Variants in C1orf94 observed in about 807,000 individuals in gnomAD.
C1orf94 encodes uncharacterized protein C1orf94.
In C1orf94, 45 loss-of-function variants were observed where a neutral mutation model predicts 53.6. The ratio of observed to expected loss-of-function variants is 0.84; its 90% CI spans 0.66 to 1.08. The LOEUF is 1.08. Ranked by LOEUF, C1orf94 falls within the 50% of genes least tolerant of loss-of-function variation. C1orf94 has a pLI of 0.00. For synonymous variants in C1orf94, 304 were observed against 296.1 expected (o/e 1.03, Z -0.27); for missense variants, 762 against 738.9 (o/e 1.03, Z -0.36).
chr1:34,216,451 G>A (rs1642990075), intron 6 of C1orf94, among the ~76,000 whole-genome samples: 1 of 152,174 alleles, frequency 6.6e-6, no homozygotes, highest in African/African-American at 2.4e-5. Flanking sequence ...AGTGAAGAAA[G>A]TGTTTCCTGA....
chr1:34,173,431 C>T (rs935838981), upstream of C1orf94, among the ~76,000 whole-genome samples: 1 of 152,140 alleles, frequency 6.6e-6, no homozygotes. Flanking sequence ...GCCATTCCCA[C>T]GTTTCTGAGT....
At chr1:34,172,294 A>G (rs1642156682), upstream of C1orf94, among the ~76,000 whole-genome samples, 1 of 152,162 alleles carries the variant, frequency 6.6e-6, no homozygotes, top group South Asian at 2.1e-4. Context: ...CCTTTTCCCT[A>G]ACTTTAAGTG....
intron 1 of C1orf94, among the ~76,000 whole-genome samples, chr1:34,190,867 GCTGAAAA>G (rs1410902601): frequency 1.3e-5 from 2 of 152,170 alleles, no homozygotes; most frequent in Non-Finnish European, 2.9e-5. Context: ...AAGCTTAGTG[GCTGAAAA>G]CTGTGACTCA....
intron 4 of C1orf94, among the ~76,000 whole-genome samples, chr1:34,202,809 C>T (rs1465833027): frequency 1.3e-5 from 2 of 152,200 alleles, no homozygotes; most frequent in Admixed American, 6.5e-5. Context: ...ACAGTCAGCC[C>T]TCTGTATCCA....
intron 6 of C1orf94, among the ~76,000 whole-genome samples, chr1:34,217,478 C>CTT (rs1553131942): frequency 6.6e-6 from 1 of 151,806 alleles, no homozygotes; most frequent in Non-Finnish European, 1.5e-5. Context: ...TCTGAATGAT[C>CTT]CCAATATGAT....
intron 1 of C1orf94, among the ~76,000 whole-genome samples, chr1:34,182,173 C>A (rs886283127): frequency 1.3e-5 from 2 of 152,096 alleles, no homozygotes; most frequent in African/African-American, 4.8e-5. Context: ...CCAGCCTGGG[C>A]GACAGAGTGA....
chr1:34,170,088 A>T (rs1034958723), intron 1 of C1orf94, among the ~76,000 whole-genome samples: 27 of 152,244 alleles, frequency 1.8e-4, no homozygotes, highest in Non-Finnish European at 7.3e-5. Context: ...AGCCATTGAA[A>T]TATTGGAGTT....
At chr1:34,176,326 C>A (rs1642225570), upstream of C1orf94, among the ~76,000 whole-genome samples, 1 of 152,192 alleles carries the variant, frequency 6.6e-6, no homozygotes, top group South Asian at 2.1e-4. Context: ...GCTAGAGAAG[C>A]AACCCCCTGA....
chr1:34,183,944 C>T (rs114759113), intron 1 of C1orf94, among the ~76,000 whole-genome samples: 65 of 152,174 alleles, frequency 4.3e-4, no homozygotes, highest in African/African-American at 1.5e-3. Flanking sequence ...TCTCTGACCT[C>T]CTTTATGAAC....
chr1:34,197,756 A>C lies in C1orf94; in HGVS notation c.852A>C (p.Thr284=), dbSNP rs1571344177. Residue 284 remains threonine, a synonymous_variant, in exon 2 of 7, where the codon ACA becomes ACC. Transcript: ENST00000488417. The surrounding 1 kb of genome is among the most constrained non-coding windows in gnomAD (Gnocchi z 4.1). Reference sequence around the variant, plus strand: ...GTGGCCCTGGACCCAAGGAGCCCACAGGGCTGAGCCCATTTCTGCTGCTGC... The same window carrying C: ...GTGGCCCTGGACCCAAGGAGCCCACCGGGCTGAGCCCATTTCTGCTGCTGC... The part of the protein sequence containing the change: ...LFSGPGPKEP[T]GLSPFLLLPP... 1 of 1,614,178 alleles carries C rather than the reference A, an allele frequency of 6.2e-7. No homozygotes were observed. Among genetic ancestry groups the C allele is most frequent in the South Asian group, 1.1e-5 (1 of 91,088 alleles).
At chr1:34,187,842 A>C (rs1642410511) in intron 1 of C1orf94, among the ~76,000 whole-genome samples, 1 of 135,676 alleles carries the variant, frequency 7.4e-6, no homozygotes, top group African/African-American at 2.7e-5. Flanking sequence ...CCCTGGAGGG[A>C]GAATCAGGTG....
chr1:34,176,274 T>C (rs1168205789), upstream of C1orf94, among the ~76,000 whole-genome samples: 1 of 152,196 alleles, frequency 6.6e-6, no homozygotes, highest in Non-Finnish European at 1.5e-5. Flanking sequence ...CATTCTTCTT[T>C]CTTCCGTCTC....
At chr1:34,214,412 T>G (rs557265675) in intron 6 of C1orf94, among the ~76,000 whole-genome samples, 1 of 152,232 alleles carries the variant, frequency 6.6e-6, no homozygotes, top group Non-Finnish European at 1.5e-5. Context: ...TCAGAGTGAA[T>G]TGATGGGCTG....
chr1:34,179,626 T>A (rs1279853786), intron 1 of C1orf94, among the ~76,000 whole-genome samples: 1 of 152,248 alleles, frequency 6.6e-6, no homozygotes, highest in Non-Finnish European at 1.5e-5. Flanking sequence ...CTGCCTTGTC[T>A]ACCTCAGAGT....
At position 34,178,075 on chromosome 1, in the gene C1orf94, A is replaced by G. The variant is rs1642257302; in HGVS notation, c.286A>G (p.Thr96Ala). The change falls in exon 1 of 7, where the codon ACT (threonine) becomes GCT (alanine). Residue 96 changes from threonine to alanine, a missense_variant. Coordinates refer to ENST00000488417, the MANE Select transcript of C1orf94 (RefSeq NM_001134734.2). Reference sequence around the variant, plus strand: ...GCAGCTCTCTGTCCCTGTGGTTGGAACTCTAAGAGGCAATGAGCTCAGCTT... The same window carrying G: ...GCAGCTCTCTGTCCCTGTGGTTGGAGCTCTAAGAGGCAATGAGCTCAGCTT... ...MEQLSVPVVG[T>A]LRGNELSFQE... The G allele has an allele frequency of 1.3e-6, 2 of 1,551,368 alleles. No individual in the cohort carries two copies. Among genetic ancestry groups the G allele is most frequent in the African/African-American group, 1.4e-5 (1 of 72,986 alleles).
chr1:34,182,492 G>T (rs1425142857), intron 1 of C1orf94, among the ~76,000 whole-genome samples: 1 of 152,184 alleles, frequency 6.6e-6, no homozygotes, highest in Non-Finnish European at 1.5e-5. Flanking sequence ...AAGTGTGTGG[G>T]AGAGGAAGTG....
At chr1:34,198,115 A>G (rs569340588) in intron 2 of C1orf94, among the ~76,000 whole-genome samples, 5 of 152,272 alleles carry the variant, frequency 3.3e-5, no homozygotes, top group Non-Finnish European at 7.3e-5. Context: ...TGCAGGGCAC[A>G]GCTTTTGTAA....
chr1:34,185,627 C>T (rs1396616344), intron 1 of C1orf94, among the ~76,000 whole-genome samples: 2 of 152,198 alleles, frequency 1.3e-5, no homozygotes, highest in African/African-American at 4.8e-5. Flanking sequence ...CTGGCAGTCC[C>T]CCTTCATGAT....
chr1:34,210,981 G>T (rs779562807), intron 5 of C1orf94, among the ~76,000 whole-genome samples: 4 of 151,972 alleles, frequency 2.6e-5, no homozygotes, highest in South Asian at 2.1e-4. Context: ...TTTAGATAAG[G>T]GTGTATGGGG....
Sources: gnomAD v4.1 joint callset for allele counts (sites outside exome capture counted in the v4.1 genomes callset) on GRCh38, gnomAD v4.1.1 for gene constraint, Gnocchi (gnomAD v3.1) non-coding constraint, MANE v1.5 for transcripts, NCBI Gene and HGNC (gene_info 2026-07-23, HGNC 2026-07-21) for gene names.